The following TET3 variants were observed in gnomAD, a reference collection of about 807,000 sequenced individuals.
TET3 encodes the protein methylcytosine dioxygenase TET3.
A neutral mutation model predicts 141.4 loss-of-function variants in TET3; 19 were observed. That is an observed-to-expected ratio of 0.13 (90% CI 0.09 to 0.20). The LOEUF is 0.20. Ranked by LOEUF, TET3 falls within the 10% of genes least tolerant of loss-of-function variation. The probability of loss-of-function intolerance (pLI) is 1.00; values close to 1 mark genes in which losing one functional copy is unlikely to be tolerated. For synonymous variants in TET3, 1,043 were observed against 980.9 expected, an observed-to-expected ratio of 1.06 and a Z score of -1.18; for missense variants, 1,874 against 2,356.9, an observed-to-expected ratio of 0.80 and a Z score of 4.24.
At chr2:74,010,118 A>C (rs1685350245) in intron 3 of TET3, among the ~76,000 whole-genome samples, 1 of 152,180 alleles carries the variant, frequency 6.6e-6, no homozygotes. Context: ...CCTGGGTAGT[A>C]GTTAGGGCTG....
At chr2:74,051,353 T>C (rs1209523176) in intron 4 of TET3, among the ~76,000 whole-genome samples, 1 of 152,256 alleles carries the variant, frequency 6.6e-6, no homozygotes, top group East Asian at 1.9e-4. Flanking sequence ...AATACTTAGG[T>C]AAAAACAGCA....
At chr2:74,080,409 C>A in intron 5 of TET3, 89 bp from the exon 6 acceptor site, 1 of 1,180,846 alleles carries the variant, frequency 8.5e-7, no homozygotes, top group Non-Finnish European at 1.2e-6. Context: ...GAAACTCAAA[C>A]AAAAGCACAC....
At chr2:74,134,910 G>A in the TET3 span, 1 of 377,696 alleles carries the variant, frequency 2.6e-6, no homozygotes, top group Non-Finnish European at 5.4e-6. Flanking sequence ...GCTCCTCGGT[G>A]TGACTTGCTC....
chr2:74,030,407 T>C (rs757250437), intron 3 of TET3, among the ~76,000 whole-genome samples: 1 of 152,232 alleles, frequency 6.6e-6, no homozygotes, highest in Non-Finnish European at 1.5e-5. Flanking sequence ...TGTATAATAC[T>C]CTGTTGAATT....
At chr2:74,018,437 TCTTA>T (rs1251086432) in intron 3 of TET3, among the ~76,000 whole-genome samples, 13 of 152,366 alleles carry the variant, frequency 8.5e-5, no homozygotes, top group South Asian at 2.1e-4. Context: ...TTTTGGCTTT[TCTTA>T]CTTAAGTTTT....
the TET3 span, among the ~76,000 whole-genome samples, chr2:74,115,874 G>T: frequency 6.6e-6 from 1 of 151,824 alleles, no homozygotes; most frequent in Admixed American, 6.6e-5. Flanking sequence ...AATTAGCCTC[G>T]CATGGTGGCA....
Position 74,092,955 on chromosome 2 carries a change from G to T in TET3, c.3093G>T (p.Leu1031=). 1 of 1,584,978 alleles carries T rather than the reference G, an allele frequency of 6.3e-7. No homozygotes were observed. Among genetic ancestry groups the T allele is most frequent in the Non-Finnish European group, 8.6e-7 (1 of 1,165,690 alleles). Residue 1031 remains leucine, a synonymous_variant, in exon 9 of 12, where the codon CTG becomes CTT. Transcript: ENST00000409262. ...ACCTGGCCACCGAAGTCGCTCCCCT[G>T]TACAAGCGACTGGCCCCTCAGGCCT... ...FQDLATEVAP[L]YKRLAPQAYQ...
chr2:74,105,654 TTTTGGGAACAGTAG>T lies in TET3; in HGVS notation c.*3483_*3496del, dbSNP rs369230403. ...CCCTCTTGGTCCTTCCACCAGCCTC[TTTTGGGAACAGTAG>T]TTTGCAGAGCAAGGGATTTTTAAAG... On this transcript the variant is annotated 3_prime_UTR_variant, in exon 12 of 12. Transcript: ENST00000409262. 2.2e-3 allele frequency: 765 copies of T among 347,688 alleles called. 2 individuals carry two copies. The highest frequency in any genetic ancestry group is 0.015 in the African/African-American group (721 of 47,654). 21.5% of individuals were successfully genotyped at this position (347,688 alleles called of 1,614,324 possible). A position where few individuals can be genotyped will look rare whatever the true frequency, so the allele number is the denominator to read the frequency against.
chr2:74,035,952 G>A (rs1687030885), intron 3 of TET3, among the ~76,000 whole-genome samples: 1 of 151,784 alleles, frequency 6.6e-6, no homozygotes, highest in Non-Finnish European at 1.5e-5. Context: ...GGGAGGCAGA[G>A]GTTTCAATGA....
chr2:74,013,151 T>A (rs1685551954), intron 3 of TET3, among the ~76,000 whole-genome samples: 1 of 152,038 alleles, frequency 6.6e-6, no homozygotes, highest in Admixed American at 6.5e-5. Context: ...CATGCCATCA[T>A]GCCCAGCTAG....
At chr2:74,022,094 C>CCTTTTTTTTTTTTTTTTTTTTTTTTT (rs57671706) in intron 3 of TET3, among the ~76,000 whole-genome samples, 1 of 82,768 alleles carries the variant, frequency 1.2e-5, no homozygotes, top group African/African-American at 5.1e-5. Context: ...TTCTAGGACA[C>CCTTTTTTTTTTTTTTTTTTTTTTTTT]TTTTTTTTTT....
intron 3 of TET3, among the ~76,000 whole-genome samples, chr2:74,008,441 G>C (rs758889230): frequency 6.6e-6 from 1 of 152,214 alleles, no homozygotes; most frequent in Non-Finnish European, 1.5e-5. Context: ...GTAGATGCTG[G>C]TGTGGACTTG....
At chr2:74,068,350 T>TGTA in intron 4 of TET3, among the ~76,000 whole-genome samples, 1 of 151,688 alleles carries the variant, frequency 6.6e-6, no homozygotes, top group East Asian at 1.9e-4. Flanking sequence ...CGAACTAGCA[T>TGTA]CTTATACATG....
chr2:74,052,032 T>G (rs1269390299), intron 4 of TET3, among the ~76,000 whole-genome samples: 1 of 152,206 alleles, frequency 6.6e-6, no homozygotes, highest in Non-Finnish European at 1.5e-5. Context: ...CATGCTGGAG[T>G]GCAGTGGCGT....
the TET3 span, among the ~76,000 whole-genome samples, chr2:74,125,473 T>C: frequency 6.6e-6 from 1 of 152,228 alleles, no homozygotes; most frequent in African/African-American, 2.4e-5. Flanking sequence ...AAGTTTTTCA[T>C]GCTGAGATGA....
At chr2:74,004,165 C>A (rs1415300384) in intron 3 of TET3, among the ~76,000 whole-genome samples, 1 of 152,132 alleles carries the variant, frequency 6.6e-6, no homozygotes, top group African/African-American at 2.4e-5. Context: ...TGGAACTCTT[C>A]CTAGCGGAGA....
intron 4 of TET3, among the ~76,000 whole-genome samples, chr2:74,049,762 G>A (rs976513405): frequency 2.0e-5 from 3 of 152,080 alleles, no homozygotes; most frequent in East Asian, 1.9e-4. Flanking sequence ...ACCCCTCCCC[G>A]ATCCTGGGGT....
intron 3 of TET3, among the ~76,000 whole-genome samples, chr2:74,009,278 C>T (rs540036618): frequency 6.7e-6 from 1 of 148,252 alleles, no homozygotes; most frequent in Non-Finnish European, 1.5e-5. Context: ...CTGGTAACTC[C>T]TGTAGGAGGC....
At chr2:74,084,491 C>T (rs1307252855) in intron 6 of TET3, among the ~76,000 whole-genome samples, 2 of 150,484 alleles carry the variant, frequency 1.3e-5, no homozygotes, top group Non-Finnish European at 3.0e-5. Context: ...CTCGCTCTGT[C>T]GCCCAGGCTA....
Sources: allele counts gnomAD v4.1 joint callset (sites outside exome capture counted in the v4.1 genomes callset), GRCh38; gene constraint gnomAD v4.1.1; transcripts MANE v1.5; gene names NCBI Gene and HGNC (gene_info 2026-07-23, HGNC 2026-07-21).